CCDC148: variants seen among roughly 807,000 people sequenced by gnomAD.
CCDC148 encodes coiled-coil domain-containing protein 148.
CCDC148 carries 89 observed loss-of-function variants against 85.7 expected under a neutral mutation model. That is an observed-to-expected ratio of 1.04 (90% CI 0.87 to 1.24). CCDC148 has a LOEUF of 1.24. Ranked by LOEUF, CCDC148 falls within the 50% of genes most tolerant of loss-of-function variation. The pLI, the probability that CCDC148 is intolerant of heterozygous loss-of-function variation, is 0.00. For synonymous variants in CCDC148, 230 were observed against 213.9 expected (o/e 1.08, Z -0.66); for missense variants, 692 against 671.7 (o/e 1.03, Z -0.33).
Position 158,387,359 on chromosome 2 carries a change from AG to A in CCDC148, c.26-28790del, listed in dbSNP as rs374422272. On this transcript the variant is annotated intron_variant, in intron 1 of 13. Coordinates refer to ENST00000283233, the MANE Select transcript of CCDC148 (RefSeq NM_138803.4). The stretch of plus-strand genomic sequence containing the variant: ...ATCTCCAACTGCAATACAACAGTGT[AG>A]GGTTCATTATAGTTTTCTCCTCTCC... 5.4e-4 allele frequency among the ~76,000 whole-genome samples: 82 copies of A among 151,982 alleles called. 1 individual carries two copies. Among genetic ancestry groups the A allele is most frequent in the East Asian group, 4.8e-3 (25 of 5,180 alleles).
intron 11 of CCDC148, among the ~76,000 whole-genome samples, chr2:158,211,162 TA>T (rs1343291029): frequency 6.6e-6 from 1 of 151,574 alleles, no homozygotes; most frequent in Non-Finnish European, 1.5e-5. Flanking sequence ...TCTGCACACA[TA>T]TCCCAGAACT....
chr2:158,284,223 T>C (rs1029893381), intron 9 of CCDC148, among the ~76,000 whole-genome samples: 2 of 151,946 alleles, frequency 1.3e-5, no homozygotes, highest in South Asian at 2.1e-4. Context: ...CATGTATACA[T>C]ACGTAACTAA....
At chr2:158,186,419 T>A (rs1418236817) in intron 11 of CCDC148, among the ~76,000 whole-genome samples, 1 of 152,066 alleles carries the variant, frequency 6.6e-6, no homozygotes, top group Non-Finnish European at 1.5e-5. Context: ...GCTGCACAAG[T>A]CTAGGAAGCG....
chr2:158,326,419 A>G (rs1202470392), intron 7 of CCDC148, among the ~76,000 whole-genome samples: 2 of 152,120 alleles, frequency 1.3e-5, no homozygotes, highest in Admixed American at 6.6e-5. Flanking sequence ...TAATATACTT[A>G]TGTATTATGT....
chr2:158,224,681 G>C (rs1687398425), intron 10 of CCDC148, among the ~76,000 whole-genome samples: 1 of 152,162 alleles, frequency 6.6e-6, no homozygotes, highest in African/African-American at 2.4e-5. Context: ...TTTCAAACCA[G>C]AATTTCATAT....
intron 11 of CCDC148, among the ~76,000 whole-genome samples, chr2:158,205,257 T>A (rs1686177743): frequency 6.6e-6 from 1 of 151,174 alleles, no homozygotes; most frequent in South Asian, 2.1e-4. Flanking sequence ...GAGTGGGGAG[T>A]AAGAGAGGGA....
intron 1 of CCDC148, among the ~76,000 whole-genome samples, chr2:158,398,126 G>T (rs943061233): frequency 3.9e-5 from 6 of 152,036 alleles, no homozygotes; most frequent in African/African-American, 1.4e-4. Flanking sequence ...GATTCATAAA[G>T]CAAGTTCTTA....
At chr2:158,395,461 C>A (rs1685483951) in intron 1 of CCDC148, among the ~76,000 whole-genome samples, 1 of 152,054 alleles carries the variant, frequency 6.6e-6, no homozygotes. Flanking sequence ...TGAGCAGGCA[C>A]CTACACAGGA....
chr2:158,369,867 GT>G (rs1684364655), intron 1 of CCDC148, among the ~76,000 whole-genome samples: 1 of 152,238 alleles, frequency 6.6e-6, no homozygotes, highest in South Asian at 2.1e-4. Context: ...TTTGTTAAGA[GT>G]TTTTAACATG....
intron 9 of CCDC148, among the ~76,000 whole-genome samples, chr2:158,283,390 A>G (rs1322229409): frequency 3.9e-5 from 6 of 152,172 alleles, no homozygotes; most frequent in East Asian, 1.9e-4. Flanking sequence ...TCTGACAAAG[A>G]GCTAATATCC....
At chr2:158,296,451 G>A (rs898258040) in intron 9 of CCDC148, among the ~76,000 whole-genome samples, 1 of 152,054 alleles carries the variant, frequency 6.6e-6, no homozygotes, top group South Asian at 2.1e-4. Context: ...TAATGGCTAT[G>A]TATTTATTTT....
chr2:158,284,831 A>G (rs1200062358), intron 9 of CCDC148, among the ~76,000 whole-genome samples: 1 of 152,236 alleles, frequency 6.6e-6, no homozygotes, highest in Non-Finnish European at 1.5e-5. Flanking sequence ...ATCTGTAGAA[A>G]TTATCACAAA....
chr2:158,279,273 G>A (rs1358147432), intron 9 of CCDC148, among the ~76,000 whole-genome samples: 2 of 152,180 alleles, frequency 1.3e-5, no homozygotes, highest in Admixed American at 6.5e-5. Context: ...AACAAAGCTG[G>A]ACGGAGAATG....
At chr2:158,298,093 C>A (rs184448720) in intron 9 of CCDC148, among the ~76,000 whole-genome samples, 14 of 152,124 alleles carry the variant, frequency 9.2e-5, no homozygotes, top group Admixed American at 2.0e-4. Context: ...AGAATGAGTG[C>A]CCAGCAAAGG....
Position 158,237,851 on chromosome 2 carries a change from G to A in CCDC148, c.1251+12921C>T, listed in dbSNP as rs78076127. ...AGCTTAGAAGATGGAACGGTGAGGA[G>A]TTTACTGAGAGGAAGATACCAGTAA... On this transcript the variant is annotated intron_variant, in intron 10 of 13. Transcript: ENST00000283233. 8.5e-3 allele frequency among the ~76,000 whole-genome samples: 1,294 copies of A among 152,236 alleles called. 21 individuals are homozygous for A. Among genetic ancestry groups the A allele is most frequent in the African/African-American group, 0.029 (1,203 of 41,542 alleles).
At chr2:158,290,589 C>T (rs964917004) in intron 9 of CCDC148, among the ~76,000 whole-genome samples, 6 of 152,116 alleles carry the variant, frequency 3.9e-5, no homozygotes, top group African/African-American at 1.2e-4. Context: ...ATAGATAGTT[C>T]CATCTAAATT....
intron 10 of CCDC148, among the ~76,000 whole-genome samples, chr2:158,225,369 C>T (rs1438356714): frequency 1.3e-5 from 2 of 152,064 alleles, no homozygotes; most frequent in African/African-American, 2.4e-5. Flanking sequence ...GACTTAAACA[C>T]TCCACTGTCA....
intron 7 of CCDC148, among the ~76,000 whole-genome samples, chr2:158,322,890 A>G (rs1234310630): frequency 6.6e-6 from 1 of 152,142 alleles, no homozygotes; most frequent in African/African-American, 2.4e-5. Context: ...ATTAAACTAT[A>G]AAGTAGAAAT....
chr2:158,210,045 G>A (rs1686474926), intron 11 of CCDC148, among the ~76,000 whole-genome samples: 1 of 152,124 alleles, frequency 6.6e-6, no homozygotes, highest in African/African-American at 2.4e-5. Context: ...CGACCCATTG[G>A]TGTGCTCTAT....
Sources: allele counts gnomAD v4.1 joint callset (sites outside exome capture counted in the v4.1 genomes callset), GRCh38; gene constraint gnomAD v4.1.1; transcripts MANE v1.5; gene names NCBI Gene and HGNC (gene_info 2026-07-23, HGNC 2026-07-21).